The following TSPAN9 variants were observed in gnomAD, a reference collection of about 807,000 sequenced individuals.
TSPAN9 encodes the protein tetraspanin 9, also known as tetraspanin-9.
A neutral mutation model predicts 31.0 loss-of-function variants in TSPAN9; 16 were observed. The ratio of observed to expected loss-of-function variants is 0.52; its 90% CI spans 0.35 to 0.78. TSPAN9 has a LOEUF of 0.78. Ranked by LOEUF, TSPAN9 falls within the 30% of genes least tolerant of loss-of-function variation. The pLI, the probability that TSPAN9 is intolerant of heterozygous loss-of-function variation, is 0.01. For missense variants in TSPAN9, 272 were observed against 312.5 expected (o/e 0.87, Z 0.98); for synonymous variants, 145 against 121.6 (o/e 1.19, Z -1.27).
At chr12:3,234,432 C>G (rs1298210712) in intron 3 of TSPAN9, among the ~76,000 whole-genome samples, 1 of 152,174 alleles carries the variant, frequency 6.6e-6, no homozygotes, top group Non-Finnish European at 1.5e-5. Flanking sequence ...TCCCTCTGCT[C>G]CGGCCACCCT....
intron 1 of TSPAN9, among the ~76,000 whole-genome samples, chr12:3,079,922 C>T (rs917519676): frequency 1.3e-5 from 2 of 151,454 alleles, no homozygotes; most frequent in African/African-American, 4.9e-5. Flanking sequence ...AGGTACAGGC[C>T]CCATGCTCAG....
intron 2 of TSPAN9, among the ~76,000 whole-genome samples, chr12:3,141,121 G>C (rs1381191460): frequency 1.3e-5 from 2 of 152,002 alleles, no homozygotes; most frequent in Admixed American, 6.5e-5. Flanking sequence ...GGAGAGGTTT[G>C]AGTTTTGCCT....
chr12:3,189,210 GGA>G (rs1406688088), intron 2 of TSPAN9, among the ~76,000 whole-genome samples: 1 of 152,192 alleles, frequency 6.6e-6, no homozygotes, highest in African/African-American at 2.4e-5. Flanking sequence ...AGGCTGAGCA[GGA>G]TGGGGGAGGC....
At chr12:3,259,727 G>T (rs939294728) in intron 3 of TSPAN9, among the ~76,000 whole-genome samples, 3 of 152,248 alleles carry the variant, frequency 2.0e-5, no homozygotes, top group Admixed American at 2.0e-4. Flanking sequence ...GCAGAGGCCT[G>T]TGAGTGGGAA....
chr12:3,216,250 C>A (rs1174446726), intron 3 of TSPAN9, among the ~76,000 whole-genome samples: 1 of 152,204 alleles, frequency 6.6e-6, no homozygotes, highest in African/African-American at 2.4e-5. Context: ...GGGCTCTCAG[C>A]TGGATCATCC....
In TSPAN9 at chr12:3,143,621, T is replaced by G. The variant is rs994178816; in HGVS notation, c.-17-57556T>G. Among the ~76,000 whole-genome samples the G allele has an allele frequency of 6.6e-5, 10 of 152,224 alleles. No homozygotes were observed. The highest frequency in any genetic ancestry group is 1.3e-4 in the Non-Finnish European group (9 of 68,044). On this transcript the variant is annotated intron_variant, in intron 2 of 8. Coordinates refer to ENST00000011898, the MANE Select transcript of TSPAN9 (RefSeq NM_006675.5). This position sits in a 1 kb window ranked among gnomAD's most constrained non-coding sequence, Gnocchi z 4.2. Reference sequence around the variant, plus strand: ...GTATGGATATAGGATATATAATAAATATCAGGATATATATTTTATCCTATA... The same window carrying G: ...GTATGGATATAGGATATATAATAAAGATCAGGATATATATTTTATCCTATA...
chr12:3,268,705 C>T (rs1204283641), intron 3 of TSPAN9, among the ~76,000 whole-genome samples: 424 of 55,266 alleles, frequency 7.7e-3, no homozygotes, highest in Middle Eastern at 0.022. Flanking sequence ...GCCTGCCCTC[C>T]GTGCGTTCCT....
At chr12:3,179,037 G>A (rs1156689680) in intron 2 of TSPAN9, among the ~76,000 whole-genome samples, 5 of 152,206 alleles carry the variant, frequency 3.3e-5, no homozygotes, top group Non-Finnish European at 7.3e-5. Flanking sequence ...AGGAATGTGT[G>A]ATTTGAACAA....
intron 2 of TSPAN9, among the ~76,000 whole-genome samples, chr12:3,178,126 C>T (rs897303836): frequency 6.6e-6 from 1 of 152,094 alleles, no homozygotes; most frequent in Non-Finnish European, 1.5e-5. Context: ...TTTGTATCTG[C>T]CATTCTTATC....
At chr12:3,166,594 TA>T (rs2098348555) in intron 2 of TSPAN9, among the ~76,000 whole-genome samples, 2 of 152,356 alleles carry the variant, frequency 1.3e-5, no homozygotes, top group African/African-American at 4.8e-5. Flanking sequence ...TCTGTTGAAG[TA>T]TAACATATGT....
chr12:3,209,958 C>CCA (rs1565614874), intron 3 of TSPAN9, among the ~76,000 whole-genome samples: 4 of 49,764 alleles, frequency 8.0e-5, no homozygotes, highest in East Asian at 6.5e-4. Flanking sequence ...GACTCTGTCC[C>CCA]AAAAAAAAAA....
intron 2 of TSPAN9, among the ~76,000 whole-genome samples, chr12:3,109,225 C>A (rs138537745): frequency 0.02 from 3,009 of 149,670 alleles, 111 homozygotes; most frequent in African/African-American, 0.07. Context: ...TGTGAGCCAC[C>A]GCTCCTGGCC....
intron 3 of TSPAN9, among the ~76,000 whole-genome samples, chr12:3,203,317 G>A (rs913304670): frequency 6.6e-6 from 1 of 152,306 alleles, no homozygotes; most frequent in East Asian, 1.9e-4. Flanking sequence ...TGCATGGAGG[G>A]CCAGAGCTGT....
chr12:3,127,752 TTAAG>T (rs1432409457), intron 2 of TSPAN9, among the ~76,000 whole-genome samples: 1 of 152,234 alleles, frequency 6.6e-6, no homozygotes, highest in African/African-American at 2.4e-5. Context: ...TTTATTATTC[TTAAG>T]TATTATGTAC....
At chr12:3,274,328 G>A (rs903764656) in intron 3 of TSPAN9, among the ~76,000 whole-genome samples, 9 of 152,178 alleles carry the variant, frequency 5.9e-5, no homozygotes, top group African/African-American at 1.2e-4. Context: ...AAATGATCTC[G>A]TCCAAATCCC....
At chr12:3,228,939 C>T (rs1850547989) in intron 3 of TSPAN9, among the ~76,000 whole-genome samples, 1 of 152,248 alleles carries the variant, frequency 6.6e-6, no homozygotes, top group Non-Finnish European at 1.5e-5. Flanking sequence ...GGCTGCATCA[C>T]TGCAATCCCT....
Position 3,283,245 on chromosome 12 carries a change from A to C in TSPAN9, c.*129A>C. On this transcript the variant is annotated 3_prime_UTR_variant, in exon 9 of 9. Transcript: ENST00000011898. Reference sequence around the variant, plus strand: ...CACCCCCCACAGCCTGCCCTACCCCACCTACCCTGCCTCAGCCTCGGACTT... The same window carrying C: ...CACCCCCCACAGCCTGCCCTACCCCCCCTACCCTGCCTCAGCCTCGGACTT... 7.9e-6 allele frequency: 7 copies of C among 887,266 alleles called. No individual in the cohort carries two copies. Among genetic ancestry groups the C allele is most frequent in the Non-Finnish European group, 1.0e-5 (6 of 602,054 alleles). 55.0% of individuals were successfully genotyped at this position (887,266 alleles called of 1,614,324 possible).
chr12:3,118,189 C>A (rs1048679867), intron 2 of TSPAN9, among the ~76,000 whole-genome samples: 1 of 150,562 alleles, frequency 6.6e-6, no homozygotes, highest in Non-Finnish European at 1.5e-5. Context: ...AAATCCTCAT[C>A]CTCATTTCCA....
chr12:3,199,464 G>T (rs1034788045), intron 2 of TSPAN9, among the ~76,000 whole-genome samples: 4 of 152,252 alleles, frequency 2.6e-5, no homozygotes, highest in African/African-American at 9.6e-5. Flanking sequence ...CCCAGTTGCA[G>T]TGCTTTACGG....
Sources: allele counts gnomAD v4.1 joint callset (sites outside exome capture counted in the v4.1 genomes callset), GRCh38; gene constraint gnomAD v4.1.1; non-coding constraint Gnocchi (gnomAD v3.1); transcripts MANE v1.5; gene names NCBI Gene and HGNC (gene_info 2026-07-23, HGNC 2026-07-21).